Variants in RNF121 observed in about 807,000 individuals in gnomAD.
The protein encoded by RNF121 is ring finger protein 121.
RNF121 carries 21 observed loss-of-function variants against 46.5 expected under a neutral mutation model. The ratio of observed to expected loss-of-function variants is 0.45; its 90% CI spans 0.32 to 0.65. RNF121 has a LOEUF of 0.65. RNF121 is among the 30% of genes least tolerant of loss of function. RNF121 has a pLI of 0.04. For synonymous variants in RNF121, 139 were observed against 144.7 expected (o/e 0.96, Z 0.28); for missense variants, 346 against 416.0 (o/e 0.83, Z 1.46).
At chr11:71,968,624 G>A (rs1003722321) in intron 3 of RNF121, among the ~76,000 whole-genome samples, 6 of 152,156 alleles carry the variant, frequency 3.9e-5, no homozygotes, top group South Asian at 2.1e-4. Context: ...ATGTAATTAC[G>A]TAGACATAAT....
At chr11:71,977,830 C>T (rs531406616) in intron 3 of RNF121, among the ~76,000 whole-genome samples, 2 of 152,302 alleles carry the variant, frequency 1.3e-5, no homozygotes, top group Admixed American at 6.5e-5. Context: ...GTGTTTATAT[C>T]GCATTAGCCA....
intron 2 of RNF121, among the ~76,000 whole-genome samples, chr11:71,959,682 A>G (rs868801896): frequency 7.0e-6 from 1 of 142,740 alleles, no homozygotes; most frequent in East Asian, 2.0e-4. Context: ...GTCGCCCAGG[A>G]CGGAGTGCAG....
At chr11:71,981,382 C>T (rs1388294324) in intron 3 of RNF121, among the ~76,000 whole-genome samples, 1 of 152,146 alleles carries the variant, frequency 6.6e-6, no homozygotes, top group Non-Finnish European at 1.5e-5. Flanking sequence ...CTATAGAATG[C>T]CAGGAAACTA....
At chr11:71,995,616 T>C in intron 8 of RNF121, 65 bp downstream of exon 8, 1 of 1,302,410 alleles carries the variant, frequency 7.7e-7, no homozygotes, top group East Asian at 2.5e-5. Context: ...CAGTGTGACC[T>C]GCATTTGGGT....
Position 71,929,141 on chromosome 11 carries a change from G to A in RNF121, c.63+17G>A, listed in dbSNP as rs202143487. 1 of 1,549,770 alleles carries A rather than the reference G, an allele frequency of 6.5e-7. No homozygotes were observed. The highest frequency in any genetic ancestry group is 1.4e-5 in the African/African-American group (1 of 73,110). On this transcript the variant is annotated intron_variant, in intron 1 of 8. Transcript: ENST00000361756. ...CTGGATGAGGTAAGCGGAGTTGAGA[G>A]ACGAGGAGAGACTCAACCTGAGACT...
At chr11:71,975,249 G>A (rs1016435300) in intron 3 of RNF121, among the ~76,000 whole-genome samples, 2 of 152,304 alleles carry the variant, frequency 1.3e-5, no homozygotes, top group Admixed American at 1.3e-4. Flanking sequence ...CACTTTCTAT[G>A]AGAAGGAAAA....
intron 1 of RNF121, among the ~76,000 whole-genome samples, chr11:71,952,203 AAAG>A (rs1953897349): frequency 1.3e-5 from 2 of 152,248 alleles, no homozygotes; most frequent in Non-Finnish European, 2.9e-5. Flanking sequence ...TGCAAAGTGA[AAAG>A]AAGCCAGTCA....
intron 3 of RNF121, among the ~76,000 whole-genome samples, chr11:71,963,862 C>T (rs1954203619): frequency 6.6e-6 from 1 of 152,272 alleles, no homozygotes; most frequent in East Asian, 1.9e-4. Flanking sequence ...AGTTTTATTC[C>T]GTTGATCTAT....
chr11:71,937,013 T>C (rs1953432040), intron 1 of RNF121, among the ~76,000 whole-genome samples: 1 of 152,246 alleles, frequency 6.6e-6, no homozygotes, highest in African/African-American at 2.4e-5. Context: ...CTATCTGTTC[T>C]GGAAATAATA....
intron 1 of RNF121, among the ~76,000 whole-genome samples, chr11:71,946,118 AAAAGAAAAG>A (rs1565143238): frequency 4.2e-5 from 6 of 143,522 alleles, no homozygotes; most frequent in African/African-American, 2.5e-5. Context: ...CTTAAAAAAG[AAAAGAAAAG>A]AAAAGAAAAG....
intron 1 of RNF121, among the ~76,000 whole-genome samples, chr11:71,930,283 A>ACT (rs1300323529): frequency 6.6e-6 from 1 of 152,196 alleles, no homozygotes; most frequent in Non-Finnish European, 1.5e-5. Context: ...CTGAGGGGTC[A>ACT]GAATCTTAGA....
Position 71,937,538 on chromosome 11 carries a change from G to A in RNF121, c.63+8414G>A, listed in dbSNP as rs559451242. ...CATCTGCCCATGTTGAACATCCCCA[G>A]AAAATGGACACCAGTGTGTATGTGA... On this transcript the variant is annotated intron_variant, in intron 1 of 8. Coordinates refer to ENST00000361756, the MANE Select transcript of RNF121 (RefSeq NM_018320.5). Among the ~76,000 whole-genome samples the A allele has an allele frequency of 4.6e-5, 7 of 152,242 alleles. No individual in the cohort carries two copies. The East Asian group carries it at 1.4e-3, about 29-fold the overall frequency.
At position 71,995,341 on chromosome 11, in the gene RNF121, C is replaced by T. The variant is rs990633954; in HGVS notation, c.762-109C>T. 4.8e-6 allele frequency: 4 copies of T among 828,128 alleles called. No homozygotes were observed. The African/African-American group carries it at 6.8e-5, about 14-fold the overall frequency. The allele number at this position is 828,128 out of a possible 1,614,324, so 51.3% of individuals were successfully genotyped here. On this transcript the variant is annotated intron_variant, in intron 7 of 8. Transcript: ENST00000361756. ...GGTTCAGACACAGGGACTTGCCCAA[C>T]ATTACAGAGCTGATAAAGAGCGAAG...
intron 2 of RNF121, 51 bp from the exon 3 acceptor site, chr11:71,960,699 T>G (rs1190613805): frequency 6.3e-7 from 1 of 1,584,546 alleles, no homozygotes; most frequent in Admixed American, 1.7e-5. Context: ...CACTGTCCCT[T>G]TATCACTACA....
chr11:71,936,830 T>TG (rs72521507), intron 1 of RNF121, among the ~76,000 whole-genome samples: 140,670 of 152,258 alleles, frequency 0.92, 65,254 homozygotes, highest in Non-Finnish European at 0.98. Context: ...TTTAATGCTT[T>TG]AATGCAGGGA....
At chr11:71,940,960 C>T (rs184650969) in intron 1 of RNF121, among the ~76,000 whole-genome samples, 19 of 152,322 alleles carry the variant, frequency 1.2e-4, no homozygotes, top group African/African-American at 3.6e-4. Context: ...GGCTTGGAGA[C>T]GTTAAACAGC....
At chr11:71,948,008 C>G (rs945098611) in intron 1 of RNF121, among the ~76,000 whole-genome samples, 1 of 152,070 alleles carries the variant, frequency 6.6e-6, no homozygotes, top group South Asian at 2.1e-4. Context: ...TAGTTCTGTT[C>G]TGAAAGATTC....
At chr11:71,985,166 A>G (rs1048230617) in intron 4 of RNF121, among the ~76,000 whole-genome samples, 3 of 151,984 alleles carry the variant, frequency 2.0e-5, no homozygotes, top group African/African-American at 4.8e-5. Flanking sequence ...AGCTCAAAGA[A>G]TCCTCCCACT....
At chr11:71,993,953 G>C (rs1376931102) in intron 6 of RNF121, among the ~76,000 whole-genome samples, 3 of 150,258 alleles carry the variant, frequency 2.0e-5, no homozygotes, top group South Asian at 2.1e-4. Context: ...CCATTCTCCT[G>C]CCTCAGCCTC....
Sources: allele counts gnomAD v4.1 joint callset (sites outside exome capture counted in the v4.1 genomes callset), GRCh38; gene constraint gnomAD v4.1.1; transcripts MANE v1.5; gene names NCBI Gene and HGNC (gene_info 2026-07-23, HGNC 2026-07-21).